LDB3: variants seen among roughly 807,000 people sequenced by gnomAD.
LDB3 encodes LIM domain binding 3.
In LDB3, 49 loss-of-function variants were observed where a neutral mutation model predicts 69.0. The ratio of observed to expected loss-of-function variants is 0.71; its 90% confidence interval spans 0.56 to 0.90. The LOEUF (loss-of-function observed/expected upper bound fraction) is 0.90. Among genes scored for constraint, LDB3 ranks in the 40% least tolerant of loss-of-function variants. The pLI, the probability that LDB3 is intolerant of heterozygous loss-of-function variation, is 0.00. For missense variants in LDB3, 928 were observed against 974.1 expected, an observed-to-expected ratio of 0.95 and a Z score of 0.63; for synonymous variants, 387 against 396.2, an observed-to-expected ratio of 0.98 and a Z score of 0.28.
At chr10:86,693,513 T>A (rs775715308) in intron 7 of LDB3, among the ~76,000 whole-genome samples, 2 of 152,236 alleles carry the variant, frequency 1.3e-5, no homozygotes, top group Non-Finnish European at 2.9e-5. Flanking sequence ...AGTAGGACTC[T>A]GGAGCCAGCT....
In LDB3 at chr10:86,686,947, C is replaced by G. The variant is rs894323215; in HGVS notation, c.690-4949C>G. On this transcript the variant is annotated intron_variant, in intron 5 of 13. Transcript: ENST00000361373. ...AGCCTATGGGGGTTCAGGGCCTCGGCTCTGGGAGATCTCTCTCGACACCCA... is the reference window on the plus strand; with the variant it reads ...AGCCTATGGGGGTTCAGGGCCTCGGGTCTGGGAGATCTCTCTCGACACCCA... The G allele has an allele frequency of 2.1e-5, 19 of 891,228 alleles. No individual in the cohort carries two copies. In the Admixed American group the frequency reaches 2.8e-4, roughly 13 times the overall value. 55.2% of individuals were successfully genotyped at this position (891,228 alleles called of 1,614,324 possible).
chr10:86,706,817 A>G, intron 8 of LDB3, 98 bp downstream of exon 8: 1 of 1,320,814 alleles, frequency 7.6e-7, no homozygotes, highest in Non-Finnish European at 1.0e-6. Flanking sequence ...CAAGGTAGTT[A>G]GGGCCCGCAG....
At chr10:86,719,392 CAA>C (rs71487276) in intron 12 of LDB3, among the ~76,000 whole-genome samples, 69 of 134,156 alleles carry the variant, frequency 5.1e-4, no homozygotes, top group Admixed American at 1.4e-3. Flanking sequence ...TCCTGTATCT[CAA>C]AAAAAAAAAA....
chr10:86,712,220 C>T (rs1430054822), intron 9 of LDB3, among the ~76,000 whole-genome samples: 2 of 152,104 alleles, frequency 1.3e-5, no homozygotes, highest in Non-Finnish European at 2.9e-5. Context: ...AGCAAGGAAG[C>T]CGTCAAATCG....
At position 86,733,751 on chromosome 10, in the gene LDB3, G is replaced by A. The variant is rs1847548916; in HGVS notation, c.*775G>A. ...TTTTGAATTGTGATGGGAAAGTAGA[G>A]TTGGGTTTTTCCAGTTTTGCTCTGT... On this transcript the variant is annotated 3_prime_UTR_variant, in exon 14 of 14. Coordinates refer to ENST00000361373, the MANE Select transcript of LDB3 (RefSeq NM_007078.3). 1 of 152,274 alleles carries A rather than the reference G, an allele frequency of 6.6e-6. No homozygotes were observed. The highest frequency in any genetic ancestry group is 1.5e-5 in the Non-Finnish European group (1 of 68,074). The allele number at this position is 152,274 out of a possible 1,614,324, so 9.4% of individuals were successfully genotyped here. A position where few individuals can be genotyped will look rare whatever the true frequency, so the allele number is the denominator to read the frequency against.
chr10:86,722,254 C>CTTTGT (rs540325956), intron 12 of LDB3, among the ~76,000 whole-genome samples: 178 of 152,182 alleles, frequency 1.2e-3, no homozygotes, highest in Non-Finnish European at 1.9e-3. Flanking sequence ...AAATTCAAGC[C>CTTTGT]TTTGTTTTGT....
chr10:86,732,868 G>A lies in LDB3; in HGVS notation c.2095-19G>A. 3.1e-6 allele frequency: 5 copies of A among 1,607,712 alleles called. No individual in the cohort carries two copies. The highest frequency in any genetic ancestry group is 2.2e-5 in the East Asian group (1 of 44,806). On this transcript the variant is annotated intron_variant, in intron 13 of 13. Coordinates refer to ENST00000361373, the MANE Select transcript of LDB3 (RefSeq NM_007078.3). The stretch of plus-strand genomic sequence containing the variant: ...CCCTGTGCCACGTGGGTCTCACGCA[G>A]GTCTGTTCTCTGCTCCAGGTCTGCC...
intron 7 of LDB3, among the ~76,000 whole-genome samples, chr10:86,705,138 G>T (rs960969806): frequency 1.3e-5 from 2 of 152,220 alleles, no homozygotes; most frequent in South Asian, 4.1e-4. Flanking sequence ...ACAACAAGAG[G>T]TTTATTTCTT....
At chr10:86,719,722 G>C (rs1847008101) in intron 12 of LDB3, among the ~76,000 whole-genome samples, 1 of 152,204 alleles carries the variant, frequency 6.6e-6, no homozygotes. Flanking sequence ...TGTTCCTGCA[G>C]ATTCCTGTAA....
intron 9 of LDB3, among the ~76,000 whole-genome samples, chr10:86,713,987 C>A (rs1846768386): frequency 6.6e-6 from 1 of 152,220 alleles, no homozygotes; most frequent in Admixed American, 6.5e-5. Context: ...GAGCAGCAGG[C>A]CATGAGACAG....
rs778570461 is a variant in LDB3, at chr10:86,706,579, G to A, written c.945G>A (p.Pro315=). 72 of 1,612,964 alleles carry A rather than the reference G, an allele frequency of 4.5e-5. No individual in the cohort carries two copies. The highest frequency in any genetic ancestry group is 1.0e-4 in the Admixed American group (6 of 60,008). The change falls in exon 8 of 14, where the codon CCG becomes CCA. Residue 315 remains proline (P), a synonymous_variant. Coordinates refer to ENST00000361373, the MANE Select transcript of LDB3 (RefSeq NM_007078.3). ...TGTGCACCAGCCAGGCCACCACCCC[G>A]CTGCTGCCCGCTTCTGCCCAGCCAC... ...APVCTSQATT[P]LLPASAQPPA...
At chr10:86,715,962 G>A (rs1421523948) in intron 9 of LDB3, among the ~76,000 whole-genome samples, 4 of 152,128 alleles carry the variant, frequency 2.6e-5, no homozygotes, top group Non-Finnish European at 4.4e-5. Flanking sequence ...AGTCAAAGGC[G>A]AGGTGACCCA....
Position 86,668,748 on chromosome 10 carries a change from G to A in LDB3, c.57G>A (p.Gly19=), listed in dbSNP as rs756773220. 6.2e-7 allele frequency: 1 copy of A among 1,613,302 alleles called. No individual in the cohort carries two copies. Among genetic ancestry groups the A allele is most frequent in the African/African-American group, 1.3e-5 (1 of 75,058 alleles). The change falls in exon 2 of 14, where the codon GGG becomes GGA. Residue 19 remains glycine (G), a synonymous_variant. Transcript: ENST00000361373. ...GPGPWGFRLQ[G]GKDFNMPLTI... ...GGCCCTGGGGCTTCCGTCTGCAGGG[G>A]GGCAAGGACTTCAACATGCCCCTCA...
At chr10:86,682,780 A>G (rs1564636161) in intron 5 of LDB3, among the ~76,000 whole-genome samples, 1 of 152,128 alleles carries the variant, frequency 6.6e-6, no homozygotes, top group Non-Finnish European at 1.5e-5. Flanking sequence ...TCACCCACTC[A>G]CTGCATGACA....
chr10:86,680,329 G>A (rs1387081770), intron 4 of LDB3, among the ~76,000 whole-genome samples, 172 bp downstream of exon 4: 1 of 152,226 alleles, frequency 6.6e-6, no homozygotes, highest in African/African-American at 2.4e-5. Context: ...CAGCCCCTTG[G>A]GAGAGACTTT....
chr10:86,720,242 C>T (rs913194891), intron 12 of LDB3, among the ~76,000 whole-genome samples: 4 of 152,150 alleles, frequency 2.6e-5, no homozygotes, highest in Non-Finnish European at 4.4e-5. Context: ...GTCAGGAGTT[C>T]AAGACCAGCC....
At chr10:86,671,395 C>T (rs1332164628) in intron 2 of LDB3, among the ~76,000 whole-genome samples, 1 of 152,120 alleles carries the variant, frequency 6.6e-6, no homozygotes, top group Non-Finnish European at 1.5e-5. Context: ...CCCGGGGGCT[C>T]ATGGCAGCAA....
chr10:86,675,826 A>G (rs764970537), intron 2 of LDB3, among the ~76,000 whole-genome samples: 8 of 152,246 alleles, frequency 5.3e-5, no homozygotes, highest in Non-Finnish European at 1.0e-4. Flanking sequence ...TTTCCTGCCT[A>G]GAAATCTGCA....
chr10:86,710,902 T>C (rs935228713), intron 9 of LDB3, among the ~76,000 whole-genome samples: 1 of 152,202 alleles, frequency 6.6e-6, no homozygotes, highest in African/African-American at 2.4e-5. Flanking sequence ...CAGGCTGCGC[T>C]GTTCATGGAC....
Sources: gnomAD v4.1 joint callset for allele counts (sites outside exome capture counted in the v4.1 genomes callset) on GRCh38, gnomAD v4.1.1 for gene constraint, MANE v1.5 for transcripts, NCBI Gene and HGNC (gene_info 2026-07-23, HGNC 2026-07-21) for gene names.